The following MGA variants were observed in gnomAD, a reference collection of about 807,000 sequenced individuals.
MGA encodes MAX dimerization protein MGA.
A neutral mutation model predicts 261.1 loss-of-function variants in MGA; 40 were observed. The observed-to-expected ratio is 0.15, with a 90% CI of 0.12 to 0.20. The LOEUF is 0.20. MGA is among the 10% of genes least tolerant of loss of function. The probability of loss-of-function intolerance (pLI) is 1.00; values close to 1 mark genes in which losing one functional copy is unlikely to be tolerated. For synonymous variants in MGA, 1,302 were observed against 1,290.6 expected, an observed-to-expected ratio of 1.01 and a Z score of -0.19; for missense variants, 3,397 against 3,630.5, an observed-to-expected ratio of 0.94 and a Z score of 1.65.
intron 17 of MGA, among the ~76,000 whole-genome samples, chr15:41,753,281 A>G (rs2062957098): frequency 6.6e-6 from 1 of 152,106 alleles, no homozygotes. Context: ...GTGGTGGCAC[A>G]GTCCTAGAGT....
rs367647138 is a variant in MGA, at chr15:41,765,041, G to A, written c.7900G>A (p.Gly2634Ser). 2.4e-5 allele frequency: 38 copies of A among 1,613,864 alleles called. No individual in the cohort carries two copies. Among genetic ancestry groups the A allele is most frequent in the Non-Finnish European group, 2.9e-5 (34 of 1,179,888 alleles). Reference sequence around the variant, plus strand: ...ATCTGATCTTAAGCCTCAAGTTGCCGGTAGTGCTGTGGCTCTACCAGGTAT... The same window carrying A: ...ATCTGATCTTAAGCCTCAAGTTGCCAGTAGTGCTGTGGCTCTACCAGGTAT... The change falls in exon 23 of 24, where the codon GGT becomes AGT. Residue 2634 changes from glycine to serine, a missense_variant. Gly to Ser is a moderately conservative substitution (Grantham distance 56). This residue lies in a region of MGA where 647 missense variants were observed against 642.4 expected (regional missense o/e 1.01). Coordinates refer to ENST00000219905, the MANE Select transcript of MGA (RefSeq NM_001164273.2).
chr15:41,749,328 T>G lies in MGA; in HGVS notation c.5721T>G (p.Pro1907=). The G allele has an allele frequency of 6.2e-7, 1 of 1,614,046 alleles. No individual in the cohort carries two copies. Among genetic ancestry groups the G allele is most frequent in the African/African-American group, 1.3e-5 (1 of 75,070 alleles). Reference sequence around the variant, plus strand: ...CATTGACCCTGAGGATTTCTCCTCCTGAACCACAAAGCTTTGCAAGTAAAA... The same window carrying G: ...CATTGACCCTGAGGATTTCTCCTCCGGAACCACAAAGCTTTGCAAGTAAAA... Residue 1907 remains proline (P), a synonymous_variant, in exon 17 of 24, where the codon CCT becomes CCG. Transcript: ENST00000219905.
intron 2 of MGA, among the ~76,000 whole-genome samples, chr15:41,670,844 T>G (rs374489709): frequency 2.6e-4 from 39 of 152,268 alleles, no homozygotes; most frequent in African/African-American, 4.3e-4. Context: ...ATTTTAAGCT[T>G]CTTCTTTGGT....
intron 2 of MGA, among the ~76,000 whole-genome samples, chr15:41,694,573 C>T (rs1466981572): frequency 1.3e-5 from 2 of 149,646 alleles, no homozygotes; most frequent in Non-Finnish European, 3.0e-5. Flanking sequence ...GTTGCCCAGG[C>T]TGGAGTGCAG....
chr15:41,716,708 C>T (rs115526321), intron 9 of MGA, among the ~76,000 whole-genome samples: 2,089 of 151,960 alleles, frequency 0.014, 57 homozygotes, highest in African/African-American at 0.048. Context: ...TGAGTGTAAC[C>T]ACTAAAAATA....
chr15:41,708,508 A>G lies in MGA; in HGVS notation c.2425+300A>G, dbSNP rs564171364. ...AATTTTTTGTATTTTTAGTAGATAC[A>G]GGGCTTCACCATGTTGGCCAGGCTG... is the stretch of plus-strand genomic sequence containing the variant. On this transcript the variant is annotated intron_variant, in intron 7 of 23. Transcript: ENST00000219905. 5.3e-5 allele frequency among the ~76,000 whole-genome samples: 8 copies of G among 152,288 alleles called. No individual in the cohort carries two copies. The South Asian group carries it at 1.7e-3, about 32-fold the overall frequency.
intron 11 of MGA, among the ~76,000 whole-genome samples, 177 bp downstream of exon 11, chr15:41,729,526 A>G (rs1037929571): frequency 1.3e-5 from 2 of 152,058 alleles, no homozygotes; most frequent in Admixed American, 1.3e-4. Context: ...TGGTTATTAC[A>G]AGTATTCTTT....
At chr15:41,660,993 C>T (rs1418695754) in intron 1 of MGA, among the ~76,000 whole-genome samples, 2 of 152,204 alleles carry the variant, frequency 1.3e-5, no homozygotes, top group African/African-American at 4.8e-5. Flanking sequence ...GAAACGGTGT[C>T]GGCGTCGCTT....
At chr15:41,762,461 G>GTT (rs34069193) in intron 22 of MGA, 99 bp downstream of exon 22, 3,314 of 137,370 alleles carry the variant, frequency 0.024, 262 homozygotes, top group Admixed American at 0.036. Flanking sequence ...GTTTTGTGTG[G>GTT]TTTTTTTTTT....
intron 9 of MGA, chr15:41,718,471 G>C: frequency 1.3e-6 from 1 of 766,188 alleles, no homozygotes; most frequent in East Asian, 2.5e-5. Context: ...CGTACAATTT[G>C]TGAGTCCACA....
At chr15:41,671,986 C>A (rs568636827) in intron 2 of MGA, among the ~76,000 whole-genome samples, 3 of 152,298 alleles carry the variant, frequency 2.0e-5, no homozygotes, top group African/African-American at 7.2e-5. Flanking sequence ...GCTTAATCAT[C>A]TTGATTATCT....
intron 13 of MGA, 126 bp from the exon 14 acceptor site, chr15:41,739,780 T>TAGA: frequency 1.1e-6 from 1 of 920,066 alleles, no homozygotes; most frequent in African/African-American, 1.7e-5. Flanking sequence ...AAAGTCTACT[T>TAGA]CTTTTTCCCT....
chr15:41,762,383 T>G, intron 22 of MGA, 21 bp downstream of exon 22: 1 of 1,595,280 alleles, frequency 6.3e-7, no homozygotes, highest in Non-Finnish European at 8.6e-7. Context: ...CATTCTTCGC[T>G]TTCCTTAATG....
At chr15:41,757,030 ACT>A (rs879608249) in intron 18 of MGA, among the ~76,000 whole-genome samples, 2 of 152,016 alleles carry the variant, frequency 1.3e-5, no homozygotes, top group Non-Finnish European at 2.9e-5. Context: ...TGCATGGTAA[ACT>A]CTGTCTTAGA....
chr15:41,641,963 T>A (rs2056831342), intron 1 of MGA, among the ~76,000 whole-genome samples: 1 of 151,874 alleles, frequency 6.6e-6, no homozygotes, highest in African/African-American at 2.4e-5. Context: ...ACCTAGCTAA[T>A]TTTTGTGCTT....
At chr15:41,628,284 A>G (rs778661017) in intron 1 of MGA, among the ~76,000 whole-genome samples, 1 of 151,040 alleles carries the variant, frequency 6.6e-6, no homozygotes, top group African/African-American at 2.4e-5. Flanking sequence ...GAGGCATGAG[A>G]ATATCTTGAA....
At position 41,729,262 on chromosome 15, in the gene MGA, A is replaced by G; in HGVS notation, c.3756A>G (p.Arg1252=). ...ATGAGCGAAAAAAAGAGGACCAGAGACAACCATCTTCCTCCTCCTCCCCAT... is the reference window on the plus strand; with the variant it reads ...ATGAGCGAAAAAAAGAGGACCAGAGGCAACCATCTTCCTCCTCCTCCCCAT... The change falls in exon 11 of 24, where the codon AGA becomes AGG. Residue 1252 remains arginine (R), a synonymous_variant. Coordinates refer to ENST00000219905, the MANE Select transcript of MGA (RefSeq NM_001164273.2). 6.2e-7 allele frequency: 1 copy of G among 1,613,890 alleles called. No individual in the cohort carries two copies. Among genetic ancestry groups the G allele is most frequent in the Non-Finnish European group, 8.5e-7 (1 of 1,179,864 alleles).
intron 2 of MGA, among the ~76,000 whole-genome samples, chr15:41,687,762 A>G (rs1418872544): frequency 6.6e-6 from 1 of 152,126 alleles, no homozygotes. Context: ...TTGATACTTC[A>G]TGTATACTTG....
At chr15:41,689,862 A>G (rs1454669136) in intron 2 of MGA, among the ~76,000 whole-genome samples, 1 of 152,190 alleles carries the variant, frequency 6.6e-6, no homozygotes, top group Non-Finnish European at 1.5e-5. Context: ...ATTTTCTAAC[A>G]GTCTGAAGAA....
Sources: gnomAD v4.1 joint callset for allele counts (sites outside exome capture counted in the v4.1 genomes callset) on GRCh38, gnomAD v4.1.1 for gene constraint, gnomAD v4.1.1 regional missense constraint, MANE v1.5 for transcripts, NCBI Gene and HGNC (gene_info 2026-07-23, HGNC 2026-07-21) for gene names.